The following AXL variants were observed in gnomAD, a reference collection of about 807,000 sequenced individuals.
AXL encodes the protein AXL receptor tyrosine kinase.
Under a neutral mutation model 104.5 loss-of-function variants are expected in AXL, and 52 were observed. That is an observed-to-expected ratio of 0.50 (90% CI 0.40 to 0.63). The LOEUF (loss-of-function observed/expected upper bound fraction) is 0.63. Ranked by LOEUF, AXL falls within the 20% of genes least tolerant of loss-of-function variation. AXL has a pLI of 0.00. For missense variants in AXL, 1,024 were observed against 1,188.5 expected (o/e 0.86, Z 2.04); for synonymous variants, 455 against 473.7 (o/e 0.96, Z 0.51).
rs112048926 is a variant in AXL, at chr19:41,255,737, GT to G, written c.2037-704del. On this transcript the variant is annotated intron_variant, in intron 17 of 19. Coordinates refer to ENST00000301178, the MANE Select transcript of AXL (RefSeq NM_021913.5). ...ATTACAGGCTTGAGCCACTGTGCCT[GT>G]TTTTTTTTTTGTTTGTTTTTGAGAC... 7.8e-4 allele frequency among the ~76,000 whole-genome samples: 113 copies of G among 144,746 alleles called. 1 individual carries two copies. The highest frequency in any genetic ancestry group is 2.8e-3 in the Admixed American group (40 of 14,458). The allele number at this position is 144,746 out of a possible 152,430, so 95.0% of individuals were successfully genotyped here.
intron 12 of AXL, 46 bp from the exon 13 acceptor site, chr19:41,248,468 T>C: frequency 1.3e-6 from 2 of 1,576,552 alleles, no homozygotes; most frequent in Non-Finnish European, 8.7e-7. Context: ...GTCACCTGAA[T>C]GTCAGCCCTG....
At chr19:41,248,474 C>A (rs2122263739) in intron 12 of AXL, 40 bp from the exon 13 acceptor site, 2 of 1,590,296 alleles carry the variant, frequency 1.3e-6, no homozygotes, top group Non-Finnish European at 1.7e-6. Flanking sequence ...TGAATGTCAG[C>A]CCTGCTCCAT....
intron 18 of AXL, among the ~76,000 whole-genome samples, 178 bp downstream of exon 18, chr19:41,256,789 G>T (rs545807778): frequency 2.0e-5 from 3 of 147,952 alleles, no homozygotes; most frequent in Non-Finnish European, 3.0e-5. Context: ...CTGAATAGTG[G>T]TGTGTACATG....
In AXL at chr19:41,259,633, A is replaced by C. The variant is rs141502789; in HGVS notation, c.2414A>C (p.Asn805Thr). ...SFTELREDLE[N>T]TLKALPPAQE... ...ACAGAGCTGCGGGAAGATTTGGAGA[A>C]CACACTGAAGGCCTTGCCTCCTGCC... is the stretch of plus-strand genomic sequence containing the variant. Residue 805 changes from asparagine to threonine, a missense_variant, in exon 20 of 20, where the codon AAC (asparagine) becomes ACC (threonine). Around this residue, in one of 5 missense-constraint regions of AXL, gnomAD observed 523 missense variants for 636.0 expected, o/e 0.82. Transcript: ENST00000301178. 463 of 1,614,056 alleles carry C rather than the reference A, an allele frequency of 2.9e-4. 2 individuals carry two copies. In the African/African-American group the frequency reaches 5.2e-3, roughly 18 times the overall value.
chr19:41,226,659 C>T (rs2033887468), intron 4 of AXL: 3 of 823,448 alleles, frequency 3.6e-6, no homozygotes, highest in Non-Finnish European at 4.4e-6. Flanking sequence ...ACGAGAGACA[C>T]GTACACAGAT....
At chr19:41,242,394 G>A (rs2034199031) in intron 10 of AXL, among the ~76,000 whole-genome samples, 2 of 143,714 alleles carry the variant, frequency 1.4e-5, no homozygotes. Flanking sequence ...CCCAGTCTCG[G>A]CTCACTGAAA....
At chr19:41,247,466 G>A (rs549554697) in intron 12 of AXL, among the ~76,000 whole-genome samples, 4 of 152,034 alleles carry the variant, frequency 2.6e-5, no homozygotes, top group South Asian at 4.1e-4. Context: ...TTGCGCCATC[G>A]CACTCCAGCC....
chr19:41,238,564 C>T lies in AXL; in HGVS notation c.1089C>T (p.Thr363=), dbSNP rs765512033. 1.7e-5 allele frequency: 27 copies of T among 1,613,680 alleles called. No individual in the cohort carries two copies. Among genetic ancestry groups the T allele is most frequent in the Non-Finnish European group, 2.2e-5 (26 of 1,179,766 alleles). ...AGCCCCGGGCGCCCCTGCAGGGTAC[C>T]CTGTTAGGGTACCGGCTGGCGTATC... is the stretch of plus-strand genomic sequence containing the variant. The part of the protein sequence containing the change: ...WQEPRAPLQG[T]LLGYRLAYQG... The change falls in exon 8 of 20, where the codon ACC becomes ACT. Residue 363 remains threonine (T), a synonymous_variant. Coordinates refer to ENST00000301178, the MANE Select transcript of AXL (RefSeq NM_021913.5).
intron 4 of AXL, among the ~76,000 whole-genome samples, chr19:41,223,017 G>A (rs1226994075): frequency 6.6e-6 from 1 of 151,950 alleles, no homozygotes; most frequent in Non-Finnish European, 1.5e-5. Flanking sequence ...CAGAGAGGCC[G>A]GGCATGGTGG....
At chr19:41,226,656 A>C in intron 4 of AXL, 1 of 800,670 alleles carries the variant, frequency 1.2e-6, no homozygotes, top group Non-Finnish European at 1.5e-6. Context: ...AACACGAGAG[A>C]CACGTACACA....
intron 12 of AXL, among the ~76,000 whole-genome samples, chr19:41,245,721 A>G (rs1490028877): frequency 6.6e-6 from 1 of 151,882 alleles, no homozygotes; most frequent in African/African-American, 2.4e-5. Flanking sequence ...CTCAAAAAAA[A>G]AAAAAAAAAA....
At position 41,252,915 on chromosome 19, in the gene AXL, A is replaced by G; in HGVS notation, c.1874A>G (p.His625Arg). The G allele has an allele frequency of 6.2e-7, 1 of 1,613,448 alleles. No individual in the cohort carries two copies. The highest frequency in any genetic ancestry group is 8.5e-7 in the Non-Finnish European group (1 of 1,179,692). ...GTGGTCATCTTACCTTTCATGAAACATGGAGACCTACACAGCTTCCTCCTC... is the reference window on the plus strand; with the variant it reads ...GTGGTCATCTTACCTTTCATGAAACGTGGAGACCTACACAGCTTCCTCCTC... ...APVVILPFMKHGDLHSFLLYS... is the reference protein window; with the variant it reads ...APVVILPFMKRGDLHSFLLYS... The change falls in exon 16 of 20, where the codon CAT becomes CGT. Residue 625 changes from histidine to arginine, a missense_variant. Coordinates refer to ENST00000301178, the MANE Select transcript of AXL (RefSeq NM_021913.5).
At chr19:41,227,297 A>G (rs1393655422) in intron 4 of AXL, among the ~76,000 whole-genome samples, 1 of 151,940 alleles carries the variant, frequency 6.6e-6, no homozygotes, top group Non-Finnish European at 1.5e-5. Context: ...ACTACACATA[A>G]CTTTCTTTTT....
At chr19:41,231,693 G>A (rs759259397) in intron 6 of AXL, among the ~76,000 whole-genome samples, 6 of 151,966 alleles carry the variant, frequency 3.9e-5, no homozygotes, top group Admixed American at 2.0e-4. Flanking sequence ...TTGGGAGGCC[G>A]AGGTGGGCGG....
At chr19:41,221,349 A>G in intron 3 of AXL, 103 bp downstream of exon 3, 1 of 992,954 alleles carries the variant, frequency 1.0e-6, no homozygotes, top group Admixed American at 2.6e-5. Context: ...AGGGTGCTGG[A>G]GGATTCAGGA....
chr19:41,254,258 G>A (rs969712107), intron 17 of AXL, among the ~76,000 whole-genome samples: 15 of 151,162 alleles, frequency 9.9e-5, no homozygotes, highest in Non-Finnish European at 1.8e-4. Context: ...AGCCTGGTGC[G>A]GTGGTGTGCG....
chr19:41,255,037 G>C (rs2034430832), intron 17 of AXL, among the ~76,000 whole-genome samples: 1 of 152,220 alleles, frequency 6.6e-6, no homozygotes, highest in South Asian at 2.1e-4. Flanking sequence ...CTTAGCCCCA[G>C]CAGGCTCCTT....
At chr19:41,230,102 T>A (rs1400378576) in intron 4 of AXL, among the ~76,000 whole-genome samples, 2 of 152,012 alleles carry the variant, frequency 1.3e-5, no homozygotes, top group Non-Finnish European at 1.5e-5. Context: ...AGTATCTAGG[T>A]GTACGAATCT....
intron 4 of AXL, among the ~76,000 whole-genome samples, chr19:41,228,274 C>G (rs1035852365): frequency 6.6e-6 from 1 of 152,150 alleles, no homozygotes; most frequent in East Asian, 1.9e-4. Flanking sequence ...TACTCAAGGC[C>G]GGGCACGGTG....
Sources: allele counts gnomAD v4.1 joint callset (sites outside exome capture counted in the v4.1 genomes callset), GRCh38; gene constraint gnomAD v4.1.1; regional missense constraint gnomAD v4.1.1; transcripts MANE v1.5; gene names NCBI Gene and HGNC (gene_info 2026-07-23, HGNC 2026-07-21).